Variants in ST8SIA6 observed in about 807,000 individuals in gnomAD.
The protein encoded by ST8SIA6 is ST8 alpha-N-acetyl-neuraminide alpha-2,8-sialyltransferase 6, also known as alpha-2,8-sialyltransferase 8F.
In ST8SIA6, 39 loss-of-function variants were observed where a neutral mutation model predicts 33.6. The ratio of observed to expected loss-of-function variants is 1.16; its 90% CI spans 0.90 to 1.52. ST8SIA6 has a LOEUF of 1.52. Ranked by LOEUF, ST8SIA6 falls within the 40% of genes most tolerant of loss-of-function variation. The pLI, the probability that ST8SIA6 is intolerant of heterozygous loss-of-function variation, is 0.00. For missense variants in ST8SIA6, 441 were observed against 443.8 expected, an observed-to-expected ratio of 0.99 and a Z score of 0.06; for synonymous variants, 172 against 167.2, an observed-to-expected ratio of 1.03 and a Z score of -0.22.
At chr10:17,425,943 C>T (rs1322164935) in intron 2 of ST8SIA6, among the ~76,000 whole-genome samples, 1 of 152,202 alleles carries the variant, frequency 6.6e-6, no homozygotes, top group Non-Finnish European at 1.5e-5. Flanking sequence ...CATCCCCACT[C>T]TTTTTCCACA....
At chr10:17,400,835 C>G (rs975100523) in intron 2 of ST8SIA6, among the ~76,000 whole-genome samples, 3 of 152,122 alleles carry the variant, frequency 2.0e-5, no homozygotes, top group Admixed American at 1.3e-4. Context: ...ACTGAATGGG[C>G]AAAAACTGGA....
At position 17,317,261 on chromosome 10, in the gene ST8SIA6, A is replaced by G. The variant is rs1233576350; in HGVS notation, c.*3617T>C. Among the ~76,000 whole-genome samples the G allele has an allele frequency of 6.6e-6, 1 of 152,160 alleles. No individual in the cohort carries two copies. Among genetic ancestry groups the G allele is most frequent in the Non-Finnish European group, 1.5e-5 (1 of 68,016 alleles). The stretch of plus-strand genomic sequence containing the variant: ...CATATATCACCCACATTTTTTTTAT[A>G]AAAAGAAGAATGCTTCTGGAAGAGT... On this transcript the variant is annotated 3_prime_UTR_variant, in exon 8 of 8. Coordinates refer to ENST00000377602, the MANE Select transcript of ST8SIA6 (RefSeq NM_001004470.3).
chr10:17,452,590 T>C (rs1222508145), intron 2 of ST8SIA6, among the ~76,000 whole-genome samples: 1 of 152,220 alleles, frequency 6.6e-6, no homozygotes, highest in Non-Finnish European at 1.5e-5. Context: ...TCAACTCCTG[T>C]CTGTCCATCT....
intron 2 of ST8SIA6, among the ~76,000 whole-genome samples, chr10:17,395,079 G>A (rs987867447): frequency 6.6e-6 from 1 of 152,020 alleles, no homozygotes; most frequent in South Asian, 2.1e-4. Flanking sequence ...AATCACGGGG[G>A]GCAGTTTCCC....
chr10:17,324,859 T>C (rs1190173335), intron 6 of ST8SIA6, among the ~76,000 whole-genome samples: 1 of 146,790 alleles, frequency 6.8e-6, no homozygotes, highest in African/African-American at 2.5e-5. Context: ...TAGTATATTA[T>C]ATAATATGCA....
At chr10:17,392,413 G>A (rs1850651110) in intron 2 of ST8SIA6, among the ~76,000 whole-genome samples, 1 of 152,124 alleles carries the variant, frequency 6.6e-6, no homozygotes, top group African/African-American at 2.4e-5. Flanking sequence ...TCTAGTCCCA[G>A]CACTTTGGGG....
chr10:17,327,784 G>A (rs1167252594), intron 5 of ST8SIA6, among the ~76,000 whole-genome samples: 1 of 151,810 alleles, frequency 6.6e-6, no homozygotes, highest in Non-Finnish European at 1.5e-5. Flanking sequence ...AAGAGCGCCA[G>A]TAGTCTTTGC....
intron 4 of ST8SIA6, among the ~76,000 whole-genome samples, chr10:17,335,615 A>G (rs1324984402): frequency 6.6e-6 from 1 of 152,182 alleles, no homozygotes. Context: ...GTATTTTACA[A>G]CCTACCATTC....
intron 3 of ST8SIA6, among the ~76,000 whole-genome samples, chr10:17,389,266 C>T (rs913730130): frequency 1.3e-5 from 2 of 152,198 alleles, no homozygotes; most frequent in Non-Finnish European, 2.9e-5. Context: ...GCCAGCTCTG[C>T]GTGAATTACT....
In ST8SIA6 at chr10:17,315,815, C is replaced by T. The variant is rs1247764797; in HGVS notation, c.*5063G>A. On this transcript the variant is annotated 3_prime_UTR_variant, in exon 8 of 8. Transcript: ENST00000377602. ...AACATTTTGGGGTAATGAATATATA[C>T]ATTGTCTTAATTGGAGAGACGGTTT... Among the ~76,000 whole-genome samples, 3 of 151,916 alleles carry T rather than the reference C, an allele frequency of 2.0e-5. No homozygotes were observed. The highest frequency in any genetic ancestry group is 4.1e-4 in the South Asian group (2 of 4,822).
intron 4 of ST8SIA6, among the ~76,000 whole-genome samples, chr10:17,352,665 G>A (rs1189738937): frequency 6.6e-6 from 1 of 152,132 alleles, no homozygotes; most frequent in East Asian, 1.9e-4. Context: ...TGAACCCCAC[G>A]TGAGTTCCAT....
At chr10:17,425,094 A>G (rs1042995637) in intron 2 of ST8SIA6, among the ~76,000 whole-genome samples, 1 of 152,204 alleles carries the variant, frequency 6.6e-6, no homozygotes, top group African/African-American at 2.4e-5. Context: ...TTGGGACTCA[A>G]CATTGGAATA....
intron 2 of ST8SIA6, among the ~76,000 whole-genome samples, chr10:17,414,876 C>CT (rs1452394133): frequency 6.6e-6 from 1 of 152,126 alleles, no homozygotes; most frequent in Non-Finnish European, 1.5e-5. Context: ...TTCAGAGTGC[C>CT]TGTGTTTTTC....
Position 17,444,096 on chromosome 10 carries a change from C to T in ST8SIA6, c.200+9463G>A, listed in dbSNP as rs185126085. Among the ~76,000 whole-genome samples the T allele has an allele frequency of 3.9e-4, 59 of 152,288 alleles. 1 individual carries two copies. The highest frequency in any genetic ancestry group is 1.5e-4 in the Non-Finnish European group (10 of 68,026). On this transcript the variant is annotated intron_variant, in intron 2 of 7. Transcript: ENST00000377602. ...AATGTCTGTGTTTCTCTATAACCAC[C>T]CCTCCAAAGATATCCTTCCTGCCTC...
intron 2 of ST8SIA6, among the ~76,000 whole-genome samples, chr10:17,407,438 G>C (rs1490012695): frequency 6.6e-6 from 1 of 152,122 alleles, no homozygotes; most frequent in Non-Finnish European, 1.5e-5. Flanking sequence ...CCTAAGAAGA[G>C]CCGTGAGCCC....
intron 3 of ST8SIA6, 68 bp downstream of exon 3, chr10:17,390,463 A>T: frequency 7.6e-7 from 1 of 1,314,968 alleles, no homozygotes; most frequent in Non-Finnish European, 1.1e-6. Context: ...CTTCAGAGAC[A>T]CTGTCAGACA....
At chr10:17,349,678 C>T (rs143839850) in intron 4 of ST8SIA6, among the ~76,000 whole-genome samples, 1 of 151,802 alleles carries the variant, frequency 6.6e-6, no homozygotes, top group Non-Finnish European at 1.5e-5. Context: ...CAGGGGAGAC[C>T]AAATTTAAAA....
chr10:17,369,697 T>C (rs1849670544), intron 3 of ST8SIA6, among the ~76,000 whole-genome samples: 1 of 152,226 alleles, frequency 6.6e-6, no homozygotes, highest in African/African-American at 2.4e-5. Flanking sequence ...CTCTCTTTGC[T>C]TCATGTATTT....
At chr10:17,403,702 C>T (rs1285777058) in intron 2 of ST8SIA6, 5 of 152,050 alleles carry the variant, frequency 3.3e-5, no homozygotes, top group East Asian at 1.9e-4. Context: ...ATCTTGGATA[C>T]GCTAAGTATT....
Sources: allele counts gnomAD v4.1 joint callset (sites outside exome capture counted in the v4.1 genomes callset), GRCh38; gene constraint gnomAD v4.1.1; transcripts MANE v1.5; gene names NCBI Gene and HGNC (gene_info 2026-07-23, HGNC 2026-07-21).